TRPA1: variants seen among roughly 807,000 people sequenced by gnomAD.
TRPA1 encodes ankyrin-like with transmembrane domains 1.
In TRPA1, 129 loss-of-function variants were observed where a neutral mutation model predicts 131.3. The observed-to-expected ratio is 0.98, with a 90% CI of 0.85 to 1.14. TRPA1 has a LOEUF of 1.14. Ranked by LOEUF, TRPA1 falls within the 50% of genes most tolerant of loss-of-function variation. The pLI is 0.00. For missense variants in TRPA1, 1,304 were observed against 1,354.2 expected (o/e 0.96, Z 0.58); for synonymous variants, 441 against 451.7 (o/e 0.98, Z 0.30).
intron 4 of TRPA1, among the ~76,000 whole-genome samples, chr8:72,065,057 A>T (rs905389732): frequency 1.8e-4 from 27 of 152,204 alleles, no homozygotes; most frequent in African/African-American, 5.5e-4. Context: ...TAAGTCTGCA[A>T]CTGACTATAT....
At chr8:72,025,807 G>C (rs1385350602) in intron 25 of TRPA1, among the ~76,000 whole-genome samples, 153 bp downstream of exon 25, 1 of 152,136 alleles carries the variant, frequency 6.6e-6, no homozygotes, top group Non-Finnish European at 1.5e-5. Flanking sequence ...TCATGTCTTG[G>C]TTTAATCATA....
chr8:72,047,910 C>G (rs903425381), intron 15 of TRPA1, among the ~76,000 whole-genome samples: 3 of 152,024 alleles, frequency 2.0e-5, no homozygotes, highest in African/African-American at 7.2e-5. Context: ...TGTTCTTAAT[C>G]AAGATTTTTC....
At chr8:72,052,891 G>A (rs1458023532) in intron 13 of TRPA1, 126 bp from the exon 14 acceptor site, 3 of 1,074,852 alleles carry the variant, frequency 2.8e-6, no homozygotes, top group Non-Finnish European at 4.1e-6. Context: ...CTTAAAACTG[G>A]TGTTCAGAAT....
At chr8:72,056,847 T>C in intron 10 of TRPA1, 70 bp downstream of exon 10, 1 of 1,068,468 alleles carries the variant, frequency 9.4e-7, no homozygotes, top group Non-Finnish European at 1.4e-6. Flanking sequence ...ACAAAAATTA[T>C]AATAAACAAA....
chr8:72,039,372 A>G (rs1812168588), intron 18 of TRPA1, among the ~76,000 whole-genome samples: 1 of 152,028 alleles, frequency 6.6e-6, no homozygotes, highest in African/African-American at 2.4e-5. Flanking sequence ...GATCCTTTCC[A>G]TGCCCCCAAA....
At chr8:72,075,048 G>T (rs1806141877) in intron 1 of TRPA1, among the ~76,000 whole-genome samples, 1 of 152,188 alleles carries the variant, frequency 6.6e-6, no homozygotes, top group South Asian at 2.1e-4. Flanking sequence ...GATACTTTTT[G>T]AGTAGGTTTC....
chr8:72,076,984 C>T (rs1022554838), upstream of TRPA1, among the ~76,000 whole-genome samples: 9 of 152,216 alleles, frequency 5.9e-5, no homozygotes, highest in Admixed American at 5.9e-4. Flanking sequence ...AGAAAAGAAT[C>T]CCAGGGTTGG....
chr8:72,057,044 A>AATTCT, intron 9 of TRPA1, 27 bp from the exon 10 acceptor site: 1 of 1,508,704 alleles, frequency 6.6e-7, no homozygotes, highest in Non-Finnish European at 9.1e-7. Flanking sequence ...TGTAAATATA[A>AATTCT]ATTCTATTCA....
chr8:72,059,437 C>A lies in TRPA1; in HGVS notation c.946G>T (p.Ala316Ser). ...DGCHETMLHR[A>S]SLFDHHELAD... ...AGCTCATGGTGATCAAACAATGAAG[C>A]TCTGAAAAAACAGAATTATAAACAT... The change falls in exon 8 of 27, where the codon GCT (alanine) becomes TCT (serine). Residue 316 changes from alanine (A) to serine (S), a missense_variant and splice_region_variant. Ala to Ser is a moderately conservative substitution (Grantham distance 99). Coordinates refer to ENST00000262209, the MANE Select transcript of TRPA1 (RefSeq NM_007332.3). The A allele has an allele frequency of 6.3e-7, 1 of 1,576,512 alleles. No homozygotes were observed. Among genetic ancestry groups the A allele is most frequent in the South Asian group, 1.2e-5 (1 of 85,728 alleles).
intron 8 of TRPA1, among the ~76,000 whole-genome samples, chr8:72,058,759 AAC>A (rs1805734765): frequency 6.6e-6 from 1 of 152,202 alleles, no homozygotes; most frequent in Non-Finnish European, 1.5e-5. Flanking sequence ...TATGATTGAC[AAC>A]ACACACACGT....
At chr8:72,060,367 T>C (rs1460371920) in intron 7 of TRPA1, 3 of 152,128 alleles carry the variant, frequency 2.0e-5, no homozygotes, top group East Asian at 3.8e-4. Flanking sequence ...TTCTAGGTTA[T>C]AAATTGGCAC....
intron 21 of TRPA1, among the ~76,000 whole-genome samples, chr8:72,034,698 G>C (rs992285903): frequency 6.6e-6 from 1 of 152,136 alleles, no homozygotes; most frequent in African/African-American, 2.4e-5. Context: ...AGGCTCAGGT[G>C]ATCCTTCTGC....
chr8:72,078,696 A>G (rs1446207810), upstream of TRPA1, among the ~76,000 whole-genome samples: 4 of 152,104 alleles, frequency 2.6e-5, no homozygotes, highest in African/African-American at 9.6e-5. Context: ...TGGGTCTATT[A>G]TAAATAATGC....
At position 72,075,399 on chromosome 8, in the gene TRPA1, C is replaced by G. The variant is rs748966143; in HGVS notation, c.11G>C (p.Ser4Thr). ...TCCAGGGCGCCACATCTTCCTCAGG[C>G]TGCGCTTCATTGACCCCACCCCGGA... MKR[S>T]LRKMWRPGEK... Residue 4 changes from serine (S) to threonine (T), a missense_variant, in exon 1 of 27, where the codon AGC (serine) becomes ACC (threonine). Transcript: ENST00000262209. The G allele has an allele frequency of 1.2e-6, 2 of 1,608,792 alleles. No individual in the cohort carries two copies. Among genetic ancestry groups the G allele is most frequent in the Non-Finnish European group, 1.7e-6 (2 of 1,179,636 alleles).
chr8:72,038,794 G>A, intron 19 of TRPA1, 71 bp downstream of exon 19: 1 of 1,312,310 alleles, frequency 7.6e-7, no homozygotes, highest in South Asian at 1.3e-5. Flanking sequence ...ATTTATTATG[G>A]GTTTAGTAGT....
At chr8:72,059,783 T>C (rs1001124385) in intron 7 of TRPA1, among the ~76,000 whole-genome samples, 1 of 152,186 alleles carries the variant, frequency 6.6e-6, no homozygotes, top group Non-Finnish European at 1.5e-5. Context: ...GCTATGATCC[T>C]GGGGAATAGA....
chr8:72,053,776 T>G lies in TRPA1; in HGVS notation c.1621A>C (p.Thr541Pro). The change falls in exon 13 of 27, where the codon ACA becomes CCA. Residue 541 changes from threonine (T) to proline (P), a missense_variant. Thr to Pro is a conservative substitution (Grantham distance 38). Transcript: ENST00000262209. ...ACCCCGTCTTCATCCAGGCGATCTG[T>G]GCACTTCAAATTAGTATCAAGAATG... Reference protein sequence around the residue: ...KVILDTNLKCTDRLDEDGNTA... With the variant: ...KVILDTNLKCPDRLDEDGNTA... 6.2e-7 allele frequency: 1 copy of G among 1,612,522 alleles called. No individual in the cohort carries two copies. Among genetic ancestry groups the G allele is most frequent in the African/African-American group, 1.3e-5 (1 of 74,986 alleles).
chr8:72,037,036 T>A (rs2129433760), intron 20 of TRPA1, among the ~76,000 whole-genome samples: 1 of 152,294 alleles, frequency 6.6e-6, no homozygotes, highest in African/African-American at 2.4e-5. Context: ...CAATTTAAAC[T>A]ATAATCTGCA....
At position 72,071,775 on chromosome 8, in the gene TRPA1, A is replaced by G; in HGVS notation, c.204T>C (p.His68=). 6.2e-7 allele frequency: 1 copy of G among 1,613,702 alleles called. No homozygotes were observed. Among genetic ancestry groups the G allele is most frequent in the Non-Finnish European group, 8.5e-7 (1 of 1,179,848 alleles). ...RCDDMDTFFL[H]YAAAEGQIEL... The stretch of plus-strand genomic sequence containing the variant: ...CAATTTGGCCTTCTGCTGCAGCATA[A>G]TGCAAGAAGAAGGTGTCCATATCGT... The change falls in exon 2 of 27, where the codon CAT becomes CAC. Residue 68 remains histidine (H), a synonymous_variant. Transcript: ENST00000262209.
Sources: gnomAD v4.1 joint callset for allele counts (sites outside exome capture counted in the v4.1 genomes callset) on GRCh38, gnomAD v4.1.1 for gene constraint, MANE v1.5 for transcripts, NCBI Gene and HGNC (gene_info 2026-07-23, HGNC 2026-07-21) for gene names.